EXOC6: variants seen among roughly 807,000 people sequenced by gnomAD.
EXOC6 encodes exocyst complex component 6.
EXOC6 carries 60 observed loss-of-function variants against 112.5 expected under a neutral mutation model. The observed-to-expected ratio is 0.53, with a 90% CI of 0.43 to 0.66. The LOEUF (loss-of-function observed/expected upper bound fraction) is 0.66, where lower values mean the gene tolerates loss of function less well. EXOC6 is among the 30% of genes least tolerant of loss of function. The probability of loss-of-function intolerance (pLI) is 0.00; values close to 1 mark genes in which losing one functional copy is unlikely to be tolerated. For synonymous variants in EXOC6, 295 were observed against 308.0 expected (o/e 0.96, Z 0.44); for missense variants, 855 against 957.1 (o/e 0.89, Z 1.41).
chr10:92,991,293 G>A (rs1216246368), intron 18 of EXOC6, among the ~76,000 whole-genome samples: 5 of 151,798 alleles, frequency 3.3e-5, no homozygotes, highest in East Asian at 2.0e-4. Context: ...AATATTAGCC[G>A]GGCATGGTCC....
intron 20 of EXOC6, among the ~76,000 whole-genome samples, chr10:93,038,691 G>T (rs200831806): frequency 6.6e-6 from 1 of 152,040 alleles, no homozygotes; most frequent in Non-Finnish European, 1.5e-5. Context: ...TGGCTGTTTT[G>T]TCCCAGAAGA....
At chr10:92,881,117 G>A (rs766592113) in intron 1 of EXOC6, among the ~76,000 whole-genome samples, 5 of 152,112 alleles carry the variant, frequency 3.3e-5, no homozygotes, top group East Asian at 1.9e-4. Flanking sequence ...AAGATGGCTC[G>A]CCCACATTGC....
chr10:92,922,315 A>G (rs76228136), intron 8 of EXOC6, among the ~76,000 whole-genome samples: 2 of 152,194 alleles, frequency 1.3e-5, no homozygotes, highest in Non-Finnish European at 2.9e-5. Flanking sequence ...ATTTCCCAGC[A>G]TTATAGCATT....
intron 6 of EXOC6, among the ~76,000 whole-genome samples, chr10:92,910,575 A>G (rs1344131743): frequency 1.3e-5 from 2 of 152,162 alleles, no homozygotes; most frequent in East Asian, 1.9e-4. Flanking sequence ...ATACATTTCA[A>G]TGTATATACA....
At chr10:93,041,899 G>C (rs1432165710) in intron 20 of EXOC6, among the ~76,000 whole-genome samples, 11 of 152,066 alleles carry the variant, frequency 7.2e-5, no homozygotes, top group Admixed American at 5.9e-4. Context: ...TTTGTAGAGA[G>C]AGGATTTTAC....
chr10:92,977,014 AT>A (rs921796043), intron 18 of EXOC6, among the ~76,000 whole-genome samples: 42 of 152,348 alleles, frequency 2.8e-4, no homozygotes, highest in African/African-American at 6.5e-4. Context: ...ATACAAAAAA[AT>A]AGGAAGAAAT....
exon 1 of EXOC6, chr10:92,834,757 G>A: frequency 6.2e-7 from 1 of 1,610,922 alleles, no homozygotes; most frequent in Middle Eastern, 1.7e-4. Flanking sequence ...AGAAGAAACA[G>A]ATCAAACCTA....
chr10:92,961,740 T>C (rs1170309363), intron 17 of EXOC6, among the ~76,000 whole-genome samples: 4 of 150,820 alleles, frequency 2.7e-5, no homozygotes, highest in Non-Finnish European at 3.0e-5. Context: ...CAGTTAATTA[T>C]AGAAAATGCC....
At chr10:93,050,056 TA>T (rs1023494703) in intron 20 of EXOC6, among the ~76,000 whole-genome samples, 4 of 152,120 alleles carry the variant, frequency 2.6e-5, no homozygotes, top group Non-Finnish European at 5.9e-5. Flanking sequence ...AAAAAAATTT[TA>T]AAGTTATATA....
chr10:92,879,762 T>C (rs1432604495), intron 1 of EXOC6, among the ~76,000 whole-genome samples: 1 of 152,218 alleles, frequency 6.6e-6, no homozygotes, highest in Non-Finnish European at 1.5e-5. Flanking sequence ...AGATGTTCTT[T>C]AGTAAAATTA....
At chr10:92,871,255 G>C (rs1200273183) in intron 1 of EXOC6, among the ~76,000 whole-genome samples, 1 of 152,032 alleles carries the variant, frequency 6.6e-6, no homozygotes, top group Non-Finnish European at 1.5e-5. Flanking sequence ...AGCCTAGCAC[G>C]GTGACTCATG....
chr10:92,955,546 C>T lies in EXOC6; in HGVS notation c.1639-34C>T, dbSNP rs1228564024. On this transcript the variant is annotated intron_variant, in intron 16 of 21. Transcript: ENST00000260762. ...TTAGGTGATTTTACATACATGTAAC[C>T]TGTATTTTACTAGATATATCTTGTG... 10 of 1,558,652 alleles carry T rather than the reference C, an allele frequency of 6.4e-6. No individual in the cohort carries two copies. In the African/African-American group the frequency reaches 1.2e-4, roughly 19 times the overall value.
intron 15 of EXOC6, among the ~76,000 whole-genome samples, chr10:92,953,335 TC>T (rs375195741): frequency 3.3e-4 from 50 of 152,230 alleles, no homozygotes; most frequent in African/African-American, 1.2e-3. Context: ...CACCTCAGCC[TC>T]CCAAAGTGCT....
intron 7 of EXOC6, among the ~76,000 whole-genome samples, chr10:92,918,858 G>T (rs1332263136): frequency 6.6e-6 from 1 of 152,106 alleles, no homozygotes; most frequent in Non-Finnish European, 1.5e-5. Flanking sequence ...GTATATATGT[G>T]TATATATGTA....
intron 1 of EXOC6, among the ~76,000 whole-genome samples, chr10:92,842,066 A>C (rs1255622977): frequency 2.6e-5 from 2 of 75,664 alleles, no homozygotes; most frequent in Non-Finnish European, 6.1e-5. Flanking sequence ...AGTGCTATGA[A>C]GAATAAAAAC....
chr10:92,895,543 G>A (rs1443013836), intron 4 of EXOC6, among the ~76,000 whole-genome samples: 1 of 152,056 alleles, frequency 6.6e-6, no homozygotes, highest in African/African-American at 2.4e-5. Context: ...GCTGTTTCTG[G>A]TCTCTTTGTT....
At chr10:93,048,305 A>T (rs920669510) in intron 20 of EXOC6, among the ~76,000 whole-genome samples, 2 of 152,022 alleles carry the variant, frequency 1.3e-5, no homozygotes, top group Admixed American at 6.6e-5. Flanking sequence ...TTTGAAGTGA[A>T]TCTACTTGAG....
At chr10:93,027,983 G>C (rs1845100180) in intron 20 of EXOC6, among the ~76,000 whole-genome samples, 1 of 152,180 alleles carries the variant, frequency 6.6e-6, no homozygotes, top group South Asian at 2.1e-4. Context: ...TTCTGGAAAG[G>C]ATTCTCCATT....
At chr10:93,038,065 A>T (rs7902851) in intron 20 of EXOC6, among the ~76,000 whole-genome samples, 53,710 of 125,462 alleles carry the variant, frequency 0.43, 14,589 homozygotes, top group East Asian at 0.88. Flanking sequence ...AAAAAAAAAA[A>T]ATTTTTCTCT....
Sources: gnomAD v4.1 joint callset for allele counts (sites outside exome capture counted in the v4.1 genomes callset) on GRCh38, gnomAD v4.1.1 for gene constraint, MANE v1.5 for transcripts, NCBI Gene and HGNC (gene_info 2026-07-23, HGNC 2026-07-21) for gene names.